Variants in PCDHA12 observed in about 807,000 individuals in gnomAD.
The protein encoded by PCDHA12 is protocadherin alpha-12.
Under a neutral mutation model 60.0 loss-of-function variants are expected in PCDHA12, and 44 were observed. The ratio of observed to expected loss-of-function variants is 0.73; its 90% CI spans 0.58 to 0.94. The LOEUF (loss-of-function observed/expected upper bound fraction) is 0.94. Ranked by LOEUF, PCDHA12 falls within the 40% of genes least tolerant of loss-of-function variation. The pLI, the probability that PCDHA12 is intolerant of heterozygous loss-of-function variation, is 0.00. For synonymous variants in PCDHA12, 569 were observed against 553.0 expected, an observed-to-expected ratio of 1.03 and a Z score of -0.40; for missense variants, 1,276 against 1,239.7, an observed-to-expected ratio of 1.03 and a Z score of -0.44.
chr5:140,890,439 A>C lies in PCDHA12; in HGVS notation c.2367+12600A>C, dbSNP rs114755692. On this transcript the variant is annotated intron_variant, in intron 1 of 3. Coordinates refer to ENST00000398631, the MANE Select transcript of PCDHA12 (RefSeq NM_018903.4). The stretch of plus-strand genomic sequence containing the variant: ...TATTTAGTTTATATTTACAATACCT[A>C]GTGATATCTTTAGGCACAAATATTT... 7.6e-3 allele frequency among the ~76,000 whole-genome samples: 1,153 copies of C among 152,326 alleles called. 6 individuals are homozygous for C. Among genetic ancestry groups the C allele is most frequent in the Non-Finnish European group, 0.013 (886 of 68,014 alleles).
At position 140,876,900 on chromosome 5, in the gene PCDHA12, G is replaced by T; in HGVS notation, c.1428G>T (p.Thr476=). Residue 476 remains threonine (T), a synonymous_variant, in exon 1 of 4, where the codon ACG becomes ACT. Coordinates refer to ENST00000398631, the MANE Select transcript of PCDHA12 (RefSeq NM_018903.4). ...ACCCGCCGGGCTGCCACATCTTCAC[G>T]GTGTCGGCATGGGACGCGGACGCGC... is the stretch of plus-strand genomic sequence containing the variant. ...ENNPPGCHIF[T]VSAWDADAQK... is the part of the protein sequence containing the mutation. The T allele has an allele frequency of 1.2e-6, 2 of 1,614,114 alleles. No individual in the cohort carries two copies. The highest frequency in any genetic ancestry group is 2.2e-5 in the East Asian group (1 of 44,884).
intron 1 of PCDHA12, among the ~76,000 whole-genome samples, chr5:140,941,995 T>C (rs1243854944): frequency 6.6e-6 from 1 of 152,234 alleles, no homozygotes; most frequent in Non-Finnish European, 1.5e-5. Context: ...AAGGGATTCA[T>C]ATCTCTTATT....
In PCDHA12 at chr5:141,010,449, C is replaced by G. The variant is rs764975082; in HGVS notation, c.*512C>G. 1.1e-6 allele frequency: 1 copy of G among 915,348 alleles called. No homozygotes were observed. Among genetic ancestry groups the G allele is most frequent in the East Asian group, 2.7e-5 (1 of 36,418 alleles). 56.7% of individuals were successfully genotyped at this position (915,348 alleles called of 1,614,324 possible). ...CAAGAAAACAAAGACAAATAAACAGCGGAAGTTATCAGTATGGAGGGGAAG... is the reference window on the plus strand; with the variant it reads ...CAAGAAAACAAAGACAAATAAACAGGGGAAGTTATCAGTATGGAGGGGAAG... On this transcript the variant is annotated 3_prime_UTR_variant, in exon 4 of 4. Transcript: ENST00000398631.
chr5:140,927,587 T>C (rs1411741184), intron 1 of PCDHA12: 1 of 1,614,044 alleles, frequency 6.2e-7, no homozygotes, highest in African/African-American at 1.3e-5. Flanking sequence ...AACGCGCCTG[T>C]ATTTGAGCGC....
At chr5:140,896,599 A>G (rs1247154870) in intron 1 of PCDHA12, among the ~76,000 whole-genome samples, 1 of 151,478 alleles carries the variant, frequency 6.6e-6, no homozygotes, top group African/African-American at 2.4e-5. Context: ...CTGGTCTCGA[A>G]CTCCTGGTCT....
chr5:140,879,787 T>C (rs1409881516), intron 1 of PCDHA12, among the ~76,000 whole-genome samples: 2 of 152,204 alleles, frequency 1.3e-5, no homozygotes. Flanking sequence ...AATCTGGTTT[T>C]TGTTTCTTCC....
At chr5:140,884,588 C>G (rs1554181766) in intron 1 of PCDHA12, 1 of 1,614,152 alleles carries the variant, frequency 6.2e-7, no homozygotes, top group East Asian at 2.2e-5. Context: ...GGCCTTCAGT[C>G]CCAGCCTTCC....
At chr5:140,935,592 T>C (rs1554210581) in intron 1 of PCDHA12, among the ~76,000 whole-genome samples, 1 of 152,252 alleles carries the variant, frequency 6.6e-6, no homozygotes, top group East Asian at 1.9e-4. Context: ...ACCAGCTAGA[T>C]ACAGAGCTAG....
intron 1 of PCDHA12, chr5:140,928,995 C>T (rs1554206548): frequency 1.2e-6 from 2 of 1,613,798 alleles, no homozygotes; most frequent in Non-Finnish European, 1.7e-6. Flanking sequence ...GCTTACTTTT[C>T]TTCGTGTGTA....
At chr5:140,946,540 T>G (rs1182532418) in intron 1 of PCDHA12, among the ~76,000 whole-genome samples, 1 of 150,344 alleles carries the variant, frequency 6.7e-6, no homozygotes, top group African/African-American at 2.5e-5. Context: ...CATTGCAGCA[T>G]TATTCATGAT....
intron 1 of PCDHA12, chr5:140,884,023 G>C (rs1554181067): frequency 2.5e-6 from 4 of 1,613,202 alleles, no homozygotes; most frequent in Non-Finnish European, 3.4e-6. Flanking sequence ...CGCGGTCGGT[G>C]GGTGCAGGCC....
rs185216314 is a variant in PCDHA12, at chr5:140,968,202, A to G, written c.2368-10747A>G. On this transcript the variant is annotated intron_variant, in intron 1 of 3. Transcript: ENST00000398631. ...GAGGACTCCTATTCCATCTACATACAGGAGAACAATTTGCCAGGTGTGTTG... is the reference window on the plus strand; with the variant it reads ...GAGGACTCCTATTCCATCTACATACGGGAGAACAATTTGCCAGGTGTGTTG... The G allele has an allele frequency of 3.7e-5, 60 of 1,614,044 alleles. 1 individual carries two copies. The East Asian group carries it at 1.1e-3, about 29-fold the overall frequency.
intron 1 of PCDHA12, among the ~76,000 whole-genome samples, chr5:140,915,296 A>G (rs556254508): frequency 6.6e-6 from 1 of 152,086 alleles, no homozygotes; most frequent in East Asian, 1.9e-4. Flanking sequence ...TCTACTTAAG[A>G]TAAGTTTACA....
intron 1 of PCDHA12, among the ~76,000 whole-genome samples, chr5:140,913,421 A>T (rs2076328410): frequency 6.6e-6 from 1 of 152,144 alleles, no homozygotes; most frequent in Non-Finnish European, 1.5e-5. Flanking sequence ...CTGCAGTATC[A>T]GTTGTAATGC....
intron 3 of PCDHA12, among the ~76,000 whole-genome samples, chr5:141,004,397 GA>G (rs2098164833): frequency 6.6e-6 from 1 of 152,188 alleles, no homozygotes; most frequent in African/African-American, 2.4e-5. Context: ...ACATGTGGAG[GA>G]GGCACCTGAC....
intron 1 of PCDHA12, among the ~76,000 whole-genome samples, chr5:140,965,384 A>C (rs1275113616): frequency 6.6e-6 from 1 of 152,222 alleles, no homozygotes; most frequent in Non-Finnish European, 1.5e-5. Flanking sequence ...GGGACACAGA[A>C]GAACAGAAGT....
chr5:140,876,022 A>G lies in PCDHA12; in HGVS notation c.550A>G (p.Thr184Ala), dbSNP rs782132751. ...LNENFELKIK[T>A]KKDKSILPEL... is the part of the protein sequence containing the mutation. ...TGAGAATTTTGAGCTTAAAATAAAA[A>G]CAAAAAAAGATAAAAGTATATTGCC... The change falls in exon 1 of 4, where the codon ACA becomes GCA. Residue 184 changes from threonine (T) to alanine (A), a missense_variant. Physicochemically the swap from Thr to Ala is moderately conservative, Grantham distance 58. Coordinates refer to ENST00000398631, the MANE Select transcript of PCDHA12 (RefSeq NM_018903.4). 1.7e-5 allele frequency: 28 copies of G among 1,613,632 alleles called. No homozygotes were observed. The highest frequency in any genetic ancestry group is 2.2e-5 in the Non-Finnish European group (26 of 1,179,850).
In PCDHA12 at chr5:140,951,072, T is replaced by G. The variant is rs551891980; in HGVS notation, c.2368-27877T>G. Among the ~76,000 whole-genome samples the G allele has an allele frequency of 1.1e-4, 16 of 152,184 alleles. No individual in the cohort carries two copies. The South Asian group carries it at 3.1e-3, about 30-fold the overall frequency. ...ATTGCTAAAATTTCCATTGGCTTTCTTATATTTTCCTTTTTTTCTGATAAG... is the reference window on the plus strand; with the variant it reads ...ATTGCTAAAATTTCCATTGGCTTTCGTATATTTTCCTTTTTTTCTGATAAG... On this transcript the variant is annotated intron_variant, in intron 1 of 3. Transcript: ENST00000398631.
At chr5:140,973,375 C>A (rs2096584404) in intron 1 of PCDHA12, among the ~76,000 whole-genome samples, 1 of 152,182 alleles carries the variant, frequency 6.6e-6, no homozygotes, top group Admixed American at 6.5e-5. Context: ...GCACAATGGT[C>A]AGAATAGACA....
Sources: gnomAD v4.1 joint callset for allele counts (sites outside exome capture counted in the v4.1 genomes callset) on GRCh38, gnomAD v4.1.1 for gene constraint, MANE v1.5 for transcripts, NCBI Gene and HGNC (gene_info 2026-07-23, HGNC 2026-07-21) for gene names.